Variants in SLC5A3 observed in about 807,000 individuals in gnomAD.
SLC5A3 encodes solute carrier family 5 member 3, also known as sodium/myo-inositol cotransporter.
SLC5A3 carries 10 observed loss-of-function variants against 43.2 expected under a neutral mutation model. The observed-to-expected ratio is 0.23, with a 90% confidence interval of 0.14 to 0.39. The LOEUF is 0.39. Among genes scored for constraint, SLC5A3 ranks in the 10% least tolerant of loss-of-function variants. The pLI is 1.00. For missense variants in SLC5A3, 608 were observed against 893.4 expected (o/e 0.68, Z 4.07); for synonymous variants, 349 against 322.0 (o/e 1.08, Z -0.90).
intron 1 of SLC5A3, among the ~76,000 whole-genome samples, chr21:34,087,054 C>T (rs928992970): frequency 6.6e-5 from 10 of 152,272 alleles, no homozygotes; most frequent in Middle Eastern, 3.4e-3. Flanking sequence ...GGAGTTAGCA[C>T]AGTGAAGGGA....
rs1979344770 is a variant in SLC5A3 at position 34,103,578 on chromosome 21, A to G, written c.*6223A>G. 2.1e-5 allele frequency: 21 copies of G among 1,000,112 alleles called. No individual in the cohort carries two copies. In the South Asian group the frequency reaches 8.5e-4, roughly 40 times the overall value. 62.0% of individuals were successfully genotyped at this position (1,000,112 alleles called of 1,614,324 possible). On this transcript the variant is annotated 3_prime_UTR_variant, in exon 2 of 2. Coordinates refer to ENST00000381151, the MANE Select transcript of SLC5A3 (RefSeq NM_006933.7). ...AGCTAAAGTCCATAGAAAGCACAAA[A>G]TCGTGTTCACACATTAGTGTACCCA...
chr21:34,094,361 G>C (rs1978862301), intron 1 of SLC5A3, among the ~76,000 whole-genome samples: 1 of 152,072 alleles, frequency 6.6e-6, no homozygotes, highest in South Asian at 2.1e-4. Flanking sequence ...AATTTTCTGA[G>C]GGTAGATGAT....
chr21:34,080,366 A>C (rs1018841322), intron 1 of SLC5A3, among the ~76,000 whole-genome samples: 1 of 152,026 alleles, frequency 6.6e-6, no homozygotes, highest in Non-Finnish European at 1.5e-5. Context: ...CTCATCTTTC[A>C]GTTTTTTTCC....
Position 34,073,641 on chromosome 21 carries a change from C to A in SLC5A3, c.-441C>A, listed in dbSNP as rs11557341. ...TAGGTCCCCACTGTCCCCGCCGTCCCGCCCCTTCGCGTCCCGGGAACCGGC... is the reference window on the plus strand; with the variant it reads ...TAGGTCCCCACTGTCCCCGCCGTCCAGCCCCTTCGCGTCCCGGGAACCGGC... On this transcript the variant is annotated 5_prime_UTR_variant, in exon 1 of 2. Coordinates refer to ENST00000381151, the MANE Select transcript of SLC5A3 (RefSeq NM_006933.7). 1.0e-5 allele frequency: 15 copies of A among 1,457,804 alleles called. No individual in the cohort carries two copies. The highest frequency in any genetic ancestry group is 1.2e-5 in the Non-Finnish European group (13 of 1,074,516). The allele number at this position is 1,457,804 out of a possible 1,614,324, so 90.3% of individuals were successfully genotyped here.
At chr21:34,074,004 C>T (rs1346330455) in intron 1 of SLC5A3, among the ~76,000 whole-genome samples, 5 of 145,782 alleles carry the variant, frequency 3.4e-5, no homozygotes, top group Non-Finnish European at 6.1e-5. Flanking sequence ...GCAAGCGGCC[C>T]GCCGGGCGGG....
At chr21:34,078,979 G>A (rs1989397256) in intron 1 of SLC5A3, among the ~76,000 whole-genome samples, 1 of 152,212 alleles carries the variant, frequency 6.6e-6, no homozygotes, top group African/African-American at 2.4e-5. Context: ...TAAGGAATTA[G>A]TCAAATGAAT....
At chr21:34,080,013 GTCT>G (rs1989424093) in intron 1 of SLC5A3, among the ~76,000 whole-genome samples, 1 of 152,132 alleles carries the variant, frequency 6.6e-6, no homozygotes, top group Non-Finnish European at 1.5e-5. Context: ...ATGCCATATA[GTCT>G]TCTCTGCCCT....
chr21:34,094,392 T>C (rs1978865138), intron 1 of SLC5A3, among the ~76,000 whole-genome samples: 1 of 152,196 alleles, frequency 6.6e-6, no homozygotes, highest in South Asian at 2.1e-4. Flanking sequence ...AAACACCACC[T>C]GCCTGTTCCA....
In SLC5A3 at chr21:34,096,822, C is replaced by T. The variant is rs1466534419; in HGVS notation, c.1624C>T (p.Arg542Ter). The T allele has an allele frequency of 1.9e-6, 3 of 1,614,002 alleles. No individual in the cohort carries two copies. The highest frequency in any genetic ancestry group is 2.5e-6 in the Non-Finnish European group (3 of 1,179,980). The part of the protein sequence containing the change: ...LTPPPTKEQI[R>*]TTTFWSKKNL... ...ACCACCTCCCACAAAGGAACAGATT[C>T]GAACCACCACCTTTTGGTCTAAGAA... Residue 542 changes from arginine (R) to a stop codon, truncating the protein, a stop_gained, in exon 2 of 2, where the codon CGA (arginine) becomes TGA (stop). Coordinates refer to ENST00000381151, the MANE Select transcript of SLC5A3 (RefSeq NM_006933.7). LOFTEE classifies it high-confidence loss of function. The surrounding 1 kb of genome is among the most constrained non-coding windows in gnomAD (Gnocchi z 5.9).
At chr21:34,086,564 G>T (rs575079106) in intron 1 of SLC5A3, among the ~76,000 whole-genome samples, 77 of 151,426 alleles carry the variant, frequency 5.1e-4, no homozygotes, top group Admixed American at 2.2e-3. Flanking sequence ...CCTGAAAGGT[G>T]TTGTAAAAGG....
chr21:34,098,637 G>A lies in SLC5A3; in HGVS notation c.*1282G>A. ...AGTCTTTCTGTAGGATGGATAGCATGTTTGAGAGGTGCCAAACAAGAACTT... is the reference window on the plus strand; with the variant it reads ...AGTCTTTCTGTAGGATGGATAGCATATTTGAGAGGTGCCAAACAAGAACTT... On this transcript the variant is annotated 3_prime_UTR_variant, in exon 2 of 2. Transcript: ENST00000381151. The A allele has an allele frequency of 1.0e-6, 1 of 1,000,250 alleles. No individual in the cohort carries two copies. The highest frequency in any genetic ancestry group is 1.2e-6 in the Non-Finnish European group (1 of 829,998). The allele number at this position is 1,000,250 out of a possible 1,614,324, so 62.0% of individuals were successfully genotyped here. A position where few individuals can be genotyped will look rare whatever the true frequency, so the allele number is the denominator to read the frequency against.
In SLC5A3 at chr21:34,098,701, A is replaced by G. The variant is rs1010431452; in HGVS notation, c.*1346A>G. ...TGTGTCTTGTGGAGGGTATTACAGGACTGTGTAATTATAGGACTCTAACTT... is the reference window on the plus strand; with the variant it reads ...TGTGTCTTGTGGAGGGTATTACAGGGCTGTGTAATTATAGGACTCTAACTT... On this transcript the variant is annotated 3_prime_UTR_variant, in exon 2 of 2. Transcript: ENST00000381151. The G allele has an allele frequency of 3.0e-6, 3 of 999,502 alleles. No individual in the cohort carries two copies. In the African/African-American group the frequency reaches 5.2e-5, roughly 17 times the overall value. The allele number at this position is 999,502 out of a possible 1,614,324, so 61.9% of individuals were successfully genotyped here.
At chr21:34,082,999 T>G (rs1165494690) in intron 1 of SLC5A3, among the ~76,000 whole-genome samples, 1 of 152,200 alleles carries the variant, frequency 6.6e-6, no homozygotes, top group African/African-American at 2.4e-5. Flanking sequence ...AAACTTTCTT[T>G]ATTGGAGCCC....
Position 34,102,247 on chromosome 21 carries a change from C to G in SLC5A3, c.*4892C>G, listed in dbSNP as rs1979272506. ...TTAACTGGCTTTGCCAGTGGTGAGT[C>G]CCACACCATTATTCACTTAGTAGTC... On this transcript the variant is annotated 3_prime_UTR_variant, in exon 2 of 2. Transcript: ENST00000381151. 1.9e-5 allele frequency: 19 copies of G among 999,608 alleles called. No individual in the cohort carries two copies. The highest frequency in any genetic ancestry group is 2.3e-5 in the Non-Finnish European group (19 of 829,576). 61.9% of individuals were successfully genotyped at this position (999,608 alleles called of 1,614,324 possible).
chr21:34,091,101 G>C (rs1001641468), intron 1 of SLC5A3, among the ~76,000 whole-genome samples: 5 of 152,150 alleles, frequency 3.3e-5, no homozygotes, highest in African/African-American at 9.7e-5. Context: ...TTTTTCATTT[G>C]GATCAGAGGA....
chr21:34,086,427 G>T (rs1978380698), intron 1 of SLC5A3, among the ~76,000 whole-genome samples: 1 of 152,070 alleles, frequency 6.6e-6, no homozygotes, highest in African/African-American at 2.4e-5. Context: ...TTACTTCAGG[G>T]CTTACCGGTG....
chr21:34,087,695 C>T (rs1366882044), intron 1 of SLC5A3, among the ~76,000 whole-genome samples: 2 of 152,184 alleles, frequency 1.3e-5, no homozygotes, highest in Non-Finnish European at 2.9e-5. Context: ...TAGCCAGTCC[C>T]AGAGGCTAGT....
chr21:34,101,443 G>T lies in SLC5A3; in HGVS notation c.*4088G>T. ...TATTTGTAAGATTTTGCATTAGCCA[G>T]ATGCTAGGTTGTTGAAGGCATTTCA... On this transcript the variant is annotated 3_prime_UTR_variant, in exon 2 of 2. Transcript: ENST00000381151. The T allele has an allele frequency of 1.0e-6, 1 of 1,000,184 alleles. No individual in the cohort carries two copies. The highest frequency in any genetic ancestry group is 1.7e-5 in the African/African-American group (1 of 57,370). The allele number at this position is 1,000,184 out of a possible 1,614,324, so 62.0% of individuals were successfully genotyped here.
intron 1 of SLC5A3, among the ~76,000 whole-genome samples, chr21:34,092,634 A>G (rs1978761097): frequency 6.6e-6 from 1 of 152,244 alleles, no homozygotes; most frequent in Admixed American, 6.5e-5. Flanking sequence ...AGATTTGACA[A>G]TGAAGAACAA....
Sources: allele counts gnomAD v4.1 joint callset (sites outside exome capture counted in the v4.1 genomes callset), GRCh38; gene constraint gnomAD v4.1.1; non-coding constraint Gnocchi (gnomAD v3.1); transcripts MANE v1.5; gene names NCBI Gene and HGNC (gene_info 2026-07-23, HGNC 2026-07-21).